The following INPP4B variants were observed in gnomAD, a reference collection of about 807,000 sequenced individuals.
The protein encoded by INPP4B is inositol polyphosphate-4-phosphatase type II B, also known as inositol polyphosphate 4-phosphatase type II.
A neutral mutation model predicts 122.5 loss-of-function variants in INPP4B; 55 were observed. The ratio of observed to expected loss-of-function variants is 0.45; its 90% CI spans 0.36 to 0.56. The LOEUF is 0.56. INPP4B is among the 20% of genes least tolerant of loss of function. INPP4B has a pLI of 0.00. For synonymous variants in INPP4B, 403 were observed against 388.7 expected (o/e 1.04, Z -0.43); for missense variants, 1,000 against 1,097.7 (o/e 0.91, Z 1.26).
At chr4:142,625,109 A>G (rs1746023611) in intron 2 of INPP4B, among the ~76,000 whole-genome samples, 1 of 150,296 alleles carries the variant, frequency 6.7e-6, no homozygotes, top group African/African-American at 2.4e-5. Flanking sequence ...CCTATTCAAC[A>G]TAGTGTTGGA....
chr4:142,487,051 T>C (rs191992879), intron 2 of INPP4B, among the ~76,000 whole-genome samples: 8 of 152,280 alleles, frequency 5.3e-5, no homozygotes, highest in African/African-American at 1.7e-4. Context: ...GAAGATTGAA[T>C]CACGGGGGTG....
At chr4:142,718,044 A>G (rs1172391623) in intron 2 of INPP4B, among the ~76,000 whole-genome samples, 1 of 152,114 alleles carries the variant, frequency 6.6e-6, no homozygotes, top group Non-Finnish European at 1.5e-5. Context: ...CAGGGTAGAA[A>G]TAAGTAAGTC....
At chr4:142,559,953 T>C (rs986735472) in intron 2 of INPP4B, among the ~76,000 whole-genome samples, 3 of 152,200 alleles carry the variant, frequency 2.0e-5, no homozygotes, top group Non-Finnish European at 4.4e-5. Flanking sequence ...ATAGAGCTAA[T>C]GCCATTCTGT....
rs141201537 is a variant in INPP4B, at chr4:142,522,621, G to A, written c.-190-59895C>T. Among the ~76,000 whole-genome samples, 199 of 152,106 alleles carry A rather than the reference G, an allele frequency of 1.3e-3. 2 individuals are homozygous for A. The highest frequency in any genetic ancestry group is 4.6e-3 in the African/African-American group (193 of 41,528). On this transcript the variant is annotated intron_variant, in intron 2 of 25. Transcript: ENST00000262992. ...GGGATATCATTAGTAGATGAGAGAA[G>A]GGAGACGGTTTACTATATCACCTGC... is the stretch of plus-strand genomic sequence containing the variant.
intron 4 of INPP4B, 77 bp from the exon 5 acceptor site, chr4:142,429,294 T>C (rs1298643840): frequency 1.3e-6 from 1 of 744,894 alleles, no homozygotes; most frequent in Non-Finnish European, 2.3e-6. Flanking sequence ...TTACTATGCT[T>C]CATTGTGACC....
chr4:142,148,960 G>C (rs1392897141), intron 17 of INPP4B, among the ~76,000 whole-genome samples: 2 of 152,222 alleles, frequency 1.3e-5, no homozygotes, highest in Non-Finnish European at 2.9e-5. Context: ...ATATTTGCTT[G>C]AGGGGACACT....
intron 3 of INPP4B, among the ~76,000 whole-genome samples, chr4:142,444,526 A>T (rs926193930): frequency 1.3e-5 from 2 of 151,992 alleles, no homozygotes; most frequent in Non-Finnish European, 2.9e-5. Flanking sequence ...GGAGAGGATG[A>T]AGAAAAATTT....
At chr4:142,672,232 A>C (rs954393357) in intron 2 of INPP4B, among the ~76,000 whole-genome samples, 5 of 152,178 alleles carry the variant, frequency 3.3e-5, no homozygotes, top group Non-Finnish European at 5.9e-5. Context: ...TGTGAACATA[A>C]GTTTTCATTT....
chr4:142,681,039 C>T (rs571323420), intron 2 of INPP4B, among the ~76,000 whole-genome samples: 58 of 151,918 alleles, frequency 3.8e-4, no homozygotes, highest in African/African-American at 1.2e-3. Flanking sequence ...AGAATAGTTC[C>T]GTCAAGACCC....
At chr4:142,672,259 A>G (rs1165748494) in intron 2 of INPP4B, among the ~76,000 whole-genome samples, 6 of 152,112 alleles carry the variant, frequency 3.9e-5, no homozygotes, top group Admixed American at 3.9e-4. Context: ...AGTGAATAGG[A>G]GAGAGATTGG....
chr4:142,324,491 C>A (rs1771589366), intron 7 of INPP4B, among the ~76,000 whole-genome samples: 1 of 152,098 alleles, frequency 6.6e-6, no homozygotes, highest in African/African-American at 2.4e-5. Context: ...TAGAGGGAGA[C>A]CAGCCATGAG....
intron 21 of INPP4B, among the ~76,000 whole-genome samples, chr4:142,118,651 G>T (rs1478916033): frequency 1.3e-5 from 2 of 152,190 alleles, no homozygotes; most frequent in East Asian, 1.9e-4. Flanking sequence ...ATTCAAGATG[G>T]ATTAAAGACT....
intron 2 of INPP4B, among the ~76,000 whole-genome samples, chr4:142,677,150 A>T (rs1757932893): frequency 6.6e-6 from 1 of 152,150 alleles, no homozygotes; most frequent in South Asian, 2.1e-4. Context: ...GTACAAGAAA[A>T]AAACAAACAA....
At chr4:142,247,731 CA>C (rs1561608577) in intron 11 of INPP4B, among the ~76,000 whole-genome samples, 1 of 152,088 alleles carries the variant, frequency 6.6e-6, no homozygotes, top group Admixed American at 6.5e-5. Flanking sequence ...TTAATCTTTT[CA>C]AAAAACCAGC....
chr4:142,164,363 C>T (rs1821649472), intron 16 of INPP4B, among the ~76,000 whole-genome samples: 1 of 151,840 alleles, frequency 6.6e-6, no homozygotes, highest in Admixed American at 6.6e-5. Flanking sequence ...ATGCCTAATT[C>T]CACCTGTAAT....
chr4:142,522,528 G>A (rs1043260553), intron 2 of INPP4B, among the ~76,000 whole-genome samples: 2 of 151,722 alleles, frequency 1.3e-5, no homozygotes, highest in Non-Finnish European at 2.9e-5. Flanking sequence ...GATATTTCTT[G>A]GTTAATCTAT....
At position 142,271,115 on chromosome 4, in the gene INPP4B, C is replaced by T. The variant is rs1163756892; in HGVS notation, c.504-341G>A. Among the ~76,000 whole-genome samples, 3 of 142,614 alleles carry T rather than the reference C, an allele frequency of 2.1e-5. No individual in the cohort carries two copies. The Admixed American group carries it at 2.2e-4, about 10-fold the overall frequency. 93.6% of individuals were successfully genotyped at this position (142,614 alleles called of 152,430 possible). On this transcript the variant is annotated intron_variant, in intron 9 of 25. Transcript: ENST00000262992. ...AGTAGCTGGGATTACAGGCATGTGC[C>T]ACCATGCCTGGCTACTTTTGTATTC...
At chr4:142,674,151 T>C (rs1757389744) in intron 2 of INPP4B, among the ~76,000 whole-genome samples, 1 of 152,136 alleles carries the variant, frequency 6.6e-6, no homozygotes, top group Non-Finnish European at 1.5e-5. Context: ...ATGGGTCGTC[T>C]GAGGCCTCTA....
intron 2 of INPP4B, among the ~76,000 whole-genome samples, chr4:142,579,069 C>T (rs1338607129): frequency 2.6e-5 from 4 of 151,936 alleles, no homozygotes; most frequent in South Asian, 2.1e-4. Context: ...TTGTATTGAA[C>T]ATCTGCGTTC....
Sources: gnomAD v4.1 joint callset for allele counts (sites outside exome capture counted in the v4.1 genomes callset) on GRCh38, gnomAD v4.1.1 for gene constraint, MANE v1.5 for transcripts, NCBI Gene and HGNC (gene_info 2026-07-23, HGNC 2026-07-21) for gene names.